Variants in WDFY4 observed in about 807,000 individuals in gnomAD.
The protein encoded by WDFY4 is WDFY family member 4.
Under a neutral mutation model 351.9 loss-of-function variants are expected in WDFY4, and 169 were observed. The ratio of observed to expected loss-of-function variants is 0.48; its 90% confidence interval spans 0.42 to 0.55. The LOEUF (loss-of-function observed/expected upper bound fraction) is 0.55. Ranked by LOEUF, WDFY4 falls within the 20% of genes least tolerant of loss-of-function variation. The pLI, the probability that WDFY4 is intolerant of heterozygous loss-of-function variation, is 0.00. For synonymous variants in WDFY4, 1,622 were observed against 1,574.6 expected, an observed-to-expected ratio of 1.03 and a Z score of -0.71; for missense variants, 3,803 against 3,935.6, an observed-to-expected ratio of 0.97 and a Z score of 0.90.
At chr10:48,826,224 A>G (rs73451479) in intron 35 of WDFY4, among the ~76,000 whole-genome samples, 1 of 151,674 alleles carries the variant, frequency 6.6e-6, no homozygotes, top group South Asian at 2.1e-4. Context: ...TTATTTCCCC[A>G]TTGCTTGTTT....
intron 44 of WDFY4, among the ~76,000 whole-genome samples, chr10:48,895,646 G>A (rs1176886984): frequency 6.6e-6 from 1 of 152,248 alleles, no homozygotes; most frequent in Non-Finnish European, 1.5e-5. Context: ...GTGTCCAGAT[G>A]ATGAAAAGCT....
rs1051143701 is a variant in WDFY4, at chr10:48,761,843, C to T, written c.2553+1403C>T. ...TACTCTGTCCCAGGCTGATGCTTGG[C>T]CCTTTCTTGGCTTATTTATTCCTCT... On this transcript the variant is annotated intron_variant, in intron 13 of 61. Coordinates refer to ENST00000325239, the MANE Select transcript of WDFY4 (RefSeq NM_001394531.1). Among the ~76,000 whole-genome samples the T allele has an allele frequency of 5.3e-4, 80 of 152,208 alleles. 1 individual carries two copies. The highest frequency in any genetic ancestry group is 1.9e-4 in the Non-Finnish European group (13 of 68,046).
At chr10:48,761,169 G>A (rs1311731854) in intron 13 of WDFY4, among the ~76,000 whole-genome samples, 1 of 152,134 alleles carries the variant, frequency 6.6e-6, no homozygotes, top group Non-Finnish European at 1.5e-5. Context: ...GAAGGGGCCT[G>A]CTGTTGGTGG....
Position 48,813,947 on chromosome 10 carries a change from C to T in WDFY4, c.5215-10C>T. Reference sequence around the variant, plus strand: ...GCAGGTCTGCTTACAGCTCCTGCCTCCTCTTCCAGGACAGCCTTGATGCCA... The same window carrying T: ...GCAGGTCTGCTTACAGCTCCTGCCTTCTCTTCCAGGACAGCCTTGATGCCA... On this transcript the variant is annotated splice_polypyrimidine_tract_variant and intron_variant, in intron 30 of 61. Coordinates refer to ENST00000325239, the MANE Select transcript of WDFY4 (RefSeq NM_001394531.1). The T allele has an allele frequency of 1.3e-6, 2 of 1,529,738 alleles. No individual in the cohort carries two copies. The highest frequency in any genetic ancestry group is 1.8e-6 in the Non-Finnish European group (2 of 1,135,684). The allele number at this position is 1,529,738 out of a possible 1,614,324, so 94.8% of individuals were successfully genotyped here.
chr10:48,978,560 A>C (rs1387141381), intron 60 of WDFY4, among the ~76,000 whole-genome samples, 167 bp downstream of exon 60: 1 of 152,146 alleles, frequency 6.6e-6, no homozygotes, highest in Non-Finnish European at 1.5e-5. Context: ...TCACCCAGCA[A>C]GCAGACTATC....
In WDFY4 at chr10:48,752,317, T is replaced by C. The variant is rs111288165; in HGVS notation, c.2460-8030T>C. ...TTTTTAAAAAGGTCCTCTTATTATG[T>C]GTAAGCACATTAAAGTTTGAGAACT... On this transcript the variant is annotated intron_variant, in intron 12 of 61. Coordinates refer to ENST00000325239, the MANE Select transcript of WDFY4 (RefSeq NM_001394531.1). 8.9e-4 allele frequency among the ~76,000 whole-genome samples: 135 copies of C among 152,368 alleles called. 1 individual carries two copies. Among genetic ancestry groups the C allele is most frequent in the African/African-American group, 3.1e-3 (129 of 41,596 alleles).
chr10:48,943,569 G>A (rs914542598), intron 49 of WDFY4, 120 bp downstream of exon 49: 1 of 1,064,856 alleles, frequency 9.4e-7, no homozygotes, highest in Non-Finnish European at 1.3e-6. Context: ...CTGGGTACCT[G>A]GGCCTAAAGG....
At position 48,800,459 on chromosome 10, in the gene WDFY4, C is replaced by T. The variant is rs116698675; in HGVS notation, c.4411-2827C>T. 4.4e-3 allele frequency among the ~76,000 whole-genome samples: 663 copies of T among 151,298 alleles called. 5 individuals carry two copies. Among genetic ancestry groups the T allele is most frequent in the Middle Eastern group, 0.027 (8 of 294 alleles). On this transcript the variant is annotated intron_variant, in intron 24 of 61. Coordinates refer to ENST00000325239, the MANE Select transcript of WDFY4 (RefSeq NM_001394531.1). ...AGGAAGCTGTGAGGGAGGGTGGGTA[C>T]AGGAGATTGTTGAAGCAGGGAGGGA...
At chr10:48,911,524 G>A (rs1217346615) in intron 47 of WDFY4, among the ~76,000 whole-genome samples, 1 of 152,086 alleles carries the variant, frequency 6.6e-6, no homozygotes, top group Non-Finnish European at 1.5e-5. Context: ...ATAACTTAAA[G>A]GTACAACAGT....
intron 47 of WDFY4, 62 bp downstream of exon 47, chr10:48,901,925 T>C (rs1209468100): frequency 1.4e-6 from 2 of 1,438,720 alleles, no homozygotes; most frequent in Non-Finnish European, 1.9e-6. Flanking sequence ...GTTCCTCCTC[T>C]GCCTCATCCC....
intron 19 of WDFY4, among the ~76,000 whole-genome samples, chr10:48,783,730 C>G (rs2066302603): frequency 6.6e-6 from 1 of 152,136 alleles, no homozygotes; most frequent in African/African-American, 2.4e-5. Flanking sequence ...CATTTAACCT[C>G]TCATTTAACC....
intron 27 of WDFY4, 150 bp from the exon 28 acceptor site, chr10:48,807,709 G>A: frequency 1.4e-6 from 1 of 706,876 alleles, no homozygotes; most frequent in South Asian, 1.8e-5. Flanking sequence ...AGCATTGTGT[G>A]GAGGCTGGAA....
intron 39 of WDFY4, among the ~76,000 whole-genome samples, chr10:48,862,396 C>T (rs1213788330): frequency 5.9e-5 from 9 of 152,264 alleles, no homozygotes; most frequent in East Asian, 5.8e-4. Flanking sequence ...TGAGCCCTGC[C>T]TCCTGTCAGA....
intron 2 of WDFY4, among the ~76,000 whole-genome samples, chr10:48,711,982 G>A (rs1210637240): frequency 6.6e-6 from 1 of 152,154 alleles, no homozygotes; most frequent in South Asian, 2.1e-4. Context: ...ACTAATGAAT[G>A]TTATGTCACC....
intron 12 of WDFY4, chr10:48,745,833 T>C (rs574802166): frequency 9.7e-5 from 33 of 340,808 alleles, no homozygotes; most frequent in African/African-American, 7.3e-4. Context: ...ATCGAACACC[T>C]CGGCGTCCAA....
At chr10:48,687,868 A>T (rs1206062191) in intron 1 of WDFY4, among the ~76,000 whole-genome samples, 1 of 147,758 alleles carries the variant, frequency 6.8e-6, no homozygotes, top group African/African-American at 2.5e-5. Flanking sequence ...TGCAACCTCC[A>T]CCTCCCAGGT....
chr10:48,740,430 T>C (rs1337394044), intron 11 of WDFY4, among the ~76,000 whole-genome samples: 1 of 152,242 alleles, frequency 6.6e-6, no homozygotes, highest in Non-Finnish European at 1.5e-5. Context: ...ATAGCTGCCT[T>C]AGCCTTTCCT....
rs374553396 is a variant in WDFY4, at chr10:48,901,849, C to T, written c.7572C>T (p.Asp2524=). The T allele has an allele frequency of 5.8e-5, 90 of 1,551,580 alleles. No homozygotes were observed. In the East Asian group the frequency reaches 1.0e-3, roughly 18 times the overall value. ...PSLKGKATSE[D]TLSLRRYPGS... Reference sequence around the variant, plus strand: ...TGAAGGGGAAAGCCACCTCGGAGGACACCCTCAGTCTAAGGTAATGGCGGG... The same window carrying T: ...TGAAGGGGAAAGCCACCTCGGAGGATACCCTCAGTCTAAGGTAATGGCGGG... The change falls in exon 47 of 62, where the codon GAC becomes GAT. Residue 2524 remains aspartate (D), a synonymous_variant. Coordinates refer to ENST00000325239, the MANE Select transcript of WDFY4 (RefSeq NM_001394531.1).
In WDFY4 at chr10:48,982,504, C is replaced by A; in HGVS notation, c.9489-5C>A. 1 of 1,505,452 alleles carries A rather than the reference C, an allele frequency of 6.6e-7. No individual in the cohort carries two copies. Among genetic ancestry groups the A allele is most frequent in the Non-Finnish European group, 8.9e-7 (1 of 1,122,234 alleles). The allele number at this position is 1,505,452 out of a possible 1,614,324, so 93.3% of individuals were successfully genotyped here. ...ACGTTCTTGTCTTTTCTTTCTCTTCCCAAGAAACCACACCAAACTCCTGGT... is the reference window on the plus strand; with the variant it reads ...ACGTTCTTGTCTTTTCTTTCTCTTCACAAGAAACCACACCAAACTCCTGGT... On this transcript the variant is annotated splice_polypyrimidine_tract_variant and splice_region_variant and intron_variant, in intron 61 of 61. Coordinates refer to ENST00000325239, the MANE Select transcript of WDFY4 (RefSeq NM_001394531.1).
Sources: gnomAD v4.1 joint callset for allele counts (sites outside exome capture counted in the v4.1 genomes callset) on GRCh38, gnomAD v4.1.1 for gene constraint, MANE v1.5 for transcripts, NCBI Gene and HGNC (gene_info 2026-07-23, HGNC 2026-07-21) for gene names.